Variants in ELAPOR2 observed in about 807,000 individuals in gnomAD.
ELAPOR2 encodes endosome/lysosome-associated apoptosis and autophagy regulator family member 2.
In ELAPOR2, 89 loss-of-function variants were observed where a neutral mutation model predicts 120.7. The ratio of observed to expected loss-of-function variants is 0.74; its 90% CI spans 0.62 to 0.88. ELAPOR2 has a LOEUF of 0.88. Ranked by LOEUF, ELAPOR2 falls within the 40% of genes least tolerant of loss-of-function variation. The probability of loss-of-function intolerance (pLI) is 0.00; values close to 1 mark genes in which losing one functional copy is unlikely to be tolerated. For missense variants in ELAPOR2, 1,134 were observed against 1,251.6 expected, an observed-to-expected ratio of 0.91 and a Z score of 1.42; for synonymous variants, 444 against 444.9, an observed-to-expected ratio of 1.00 and a Z score of 0.03.
intron 19 of ELAPOR2, among the ~76,000 whole-genome samples, chr7:86,893,638 G>A (rs1009688049): frequency 6.6e-6 from 1 of 151,988 alleles, no homozygotes; most frequent in Non-Finnish European, 1.5e-5. Flanking sequence ...GGTAACTGGT[G>A]TAAGTGGGCA....
intron 21 of ELAPOR2, among the ~76,000 whole-genome samples, chr7:86,889,438 A>G (rs961393725): frequency 6.6e-6 from 1 of 151,354 alleles, no homozygotes; most frequent in South Asian, 2.1e-4. Flanking sequence ...CCTGAAACCA[A>G]GTATAGTATC....
At chr7:86,936,549 T>G (rs1790566795) in intron 8 of ELAPOR2, among the ~76,000 whole-genome samples, 2 of 152,108 alleles carry the variant, frequency 1.3e-5, no homozygotes. Flanking sequence ...TAAATCACTT[T>G]TCTTAAAAAA....
intron 18 of ELAPOR2, 108 bp downstream of exon 18, chr7:86,907,562 C>A: frequency 2.9e-6 from 2 of 690,042 alleles, no homozygotes; most frequent in Non-Finnish European, 4.7e-6. Context: ...ACAGATTGTT[C>A]TGTTTTCTTT....
intron 1 of ELAPOR2, among the ~76,000 whole-genome samples, chr7:87,056,659 C>T (rs1185956165): frequency 6.6e-6 from 1 of 152,160 alleles, no homozygotes. Flanking sequence ...TGAGTTTCAC[C>T]CCAGAGTCCA....
At chr7:86,932,465 G>A (rs553557496) in intron 8 of ELAPOR2, among the ~76,000 whole-genome samples, 3 of 151,886 alleles carry the variant, frequency 2.0e-5, no homozygotes, top group Admixed American at 2.0e-4. Context: ...GGAAACATGT[G>A]AATCATGTCC....
intron 1 of ELAPOR2, among the ~76,000 whole-genome samples, chr7:87,003,140 T>C (rs1323090026): frequency 6.6e-6 from 1 of 152,130 alleles, no homozygotes; most frequent in Non-Finnish European, 1.5e-5. Context: ...ACAAAGAGCA[T>C]TTCTCTGATA....
chr7:86,982,186 G>GT (rs1446341969), intron 1 of ELAPOR2, among the ~76,000 whole-genome samples: 1 of 152,276 alleles, frequency 6.6e-6, no homozygotes, highest in African/African-American at 2.4e-5. Context: ...GCCCAACGCA[G>GT]CTCAGCAAGG....
chr7:87,003,547 T>C (rs978210366), intron 1 of ELAPOR2, among the ~76,000 whole-genome samples: 2 of 152,176 alleles, frequency 1.3e-5, no homozygotes, highest in African/African-American at 4.8e-5. Context: ...CCTTCCCCTT[T>C]GCATTCTGCC....
rs566596641 is a variant in ELAPOR2 at position 86,987,838 on chromosome 7, T to C, written c.190-22814A>G. 5.6e-4 allele frequency among the ~76,000 whole-genome samples: 85 copies of C among 152,242 alleles called. No individual in the cohort carries two copies. In the South Asian group the frequency reaches 0.017, roughly 31 times the overall value. On this transcript the variant is annotated intron_variant, in intron 1 of 21. Transcript: ENST00000450689. ...GAAATACCATTTGACCCAGCGATCC[T>C]ATTACTGGGTATATACCCAAAGGAT...
chr7:86,935,732 C>T (rs533257368), intron 8 of ELAPOR2, among the ~76,000 whole-genome samples: 179 of 152,030 alleles, frequency 1.2e-3, no homozygotes, highest in African/African-American at 4.0e-3. Context: ...GAGAAATTTA[C>T]GTTTTTCTTC....
intron 20 of ELAPOR2, among the ~76,000 whole-genome samples, chr7:86,892,237 A>G (rs1003601788): frequency 6.6e-6 from 1 of 152,074 alleles, no homozygotes; most frequent in African/African-American, 2.4e-5. Flanking sequence ...TTTTCCCAGT[A>G]TTTAGTTCGT....
At chr7:87,010,860 T>C (rs1017492172) in intron 1 of ELAPOR2, among the ~76,000 whole-genome samples, 1 of 152,176 alleles carries the variant, frequency 6.6e-6, no homozygotes, top group African/African-American at 2.4e-5. Flanking sequence ...GGAACCACTA[T>C]ATACATAATT....
chr7:87,030,068 C>G (rs116004760), intron 1 of ELAPOR2, among the ~76,000 whole-genome samples: 1,591 of 152,126 alleles, frequency 0.01, 30 homozygotes, highest in African/African-American at 0.037. Flanking sequence ...TAAAGGTAAA[C>G]AATCTGATTT....
intron 12 of ELAPOR2, 58 bp from the exon 13 acceptor site, chr7:86,914,918 C>T (rs933390720): frequency 4.8e-5 from 62 of 1,289,584 alleles, no homozygotes; most frequent in African/African-American, 1.2e-4. Context: ...ATTAATATAC[C>T]TGTGTATATA....
intron 1 of ELAPOR2, among the ~76,000 whole-genome samples, chr7:86,996,216 A>G (rs1793117484): frequency 6.6e-6 from 1 of 152,228 alleles, no homozygotes; most frequent in Non-Finnish European, 1.5e-5. Flanking sequence ...AGAGAAAAGA[A>G]GGAGAGCTCT....
chr7:87,055,305 T>C (rs565318927), intron 1 of ELAPOR2, among the ~76,000 whole-genome samples: 18 of 152,340 alleles, frequency 1.2e-4, no homozygotes, highest in African/African-American at 4.3e-4. Context: ...TCTCACCCTC[T>C]GCATCCACTC....
At chr7:86,951,699 T>C (rs911657238) in intron 2 of ELAPOR2, among the ~76,000 whole-genome samples, 23 of 152,250 alleles carry the variant, frequency 1.5e-4, no homozygotes, top group African/African-American at 5.5e-4. Flanking sequence ...ATCACTCTTA[T>C]GGAAAATACA....
chr7:87,038,124 T>C (rs986726163), intron 1 of ELAPOR2, among the ~76,000 whole-genome samples: 2 of 152,216 alleles, frequency 1.3e-5, no homozygotes, highest in Non-Finnish European at 2.9e-5. Context: ...AACACACTCT[T>C]AGAACCAAGA....
intron 1 of ELAPOR2, among the ~76,000 whole-genome samples, chr7:86,973,306 T>C (rs1792167793): frequency 1.3e-5 from 2 of 152,170 alleles, no homozygotes; most frequent in South Asian, 2.1e-4. Context: ...ATTATTCATA[T>C]ATGAAATATT....
Sources: allele counts gnomAD v4.1 joint callset (sites outside exome capture counted in the v4.1 genomes callset), GRCh38; gene constraint gnomAD v4.1.1; transcripts MANE v1.5; gene names NCBI Gene and HGNC (gene_info 2026-07-23, HGNC 2026-07-21).